Variants in ARHGAP10 observed in about 807,000 individuals in gnomAD.
The protein encoded by ARHGAP10 is rho GTPase-activating protein 10.
A neutral mutation model predicts 108.6 loss-of-function variants in ARHGAP10; 87 were observed. That is an observed-to-expected ratio of 0.80 (90% CI 0.67 to 0.96). The LOEUF (loss-of-function observed/expected upper bound fraction) is 0.96, where lower values mean the gene tolerates loss of function less well. Ranked by LOEUF, ARHGAP10 falls within the 40% of genes least tolerant of loss-of-function variation. The pLI, the probability that ARHGAP10 is intolerant of heterozygous loss-of-function variation, is 0.00. For synonymous variants in ARHGAP10, 347 were observed against 341.1 expected, an observed-to-expected ratio of 1.02 and a Z score of -0.19; for missense variants, 939 against 954.5, an observed-to-expected ratio of 0.98 and a Z score of 0.21.
At chr4:147,755,582 T>C (rs539267030) in intron 1 of ARHGAP10, among the ~76,000 whole-genome samples, 1 of 152,336 alleles carries the variant, frequency 6.6e-6, no homozygotes, top group Admixed American at 6.5e-5. Context: ...AAGAGAGGGC[T>C]GTTTTGGAAA....
At chr4:148,033,273 C>T (rs1728233012) in intron 19 of ARHGAP10, among the ~76,000 whole-genome samples, 1 of 152,136 alleles carries the variant, frequency 6.6e-6, no homozygotes, top group African/African-American at 2.4e-5. Flanking sequence ...TTCTACAGCC[C>T]AGCCAAACAC....
Position 147,883,616 on chromosome 4 carries a change from G to A in ARHGAP10, c.1034+1684G>A, listed in dbSNP as rs558934115. Among the ~76,000 whole-genome samples, 249 of 152,264 alleles carry A rather than the reference G, an allele frequency of 1.6e-3. 2 individuals are homozygous for A. Among genetic ancestry groups the A allele is most frequent in the Middle Eastern group, 3.4e-3 (1 of 294 alleles). On this transcript the variant is annotated intron_variant, in intron 10 of 22. Coordinates refer to ENST00000336498, the MANE Select transcript of ARHGAP10 (RefSeq NM_024605.4). ...ATTTGAGCAATTTCCCCAAGGTCAC[G>A]TAGCTAGTGGGTAGTTGAAGAGCTG...
At chr4:148,040,685 C>T (rs1728594213) in intron 19 of ARHGAP10, among the ~76,000 whole-genome samples, 2 of 152,090 alleles carry the variant, frequency 1.3e-5, no homozygotes. Context: ...CTGTTGGTTT[C>T]AGTTGGTCTT....
intron 22 of ARHGAP10, 81 bp from the exon 23 acceptor site, chr4:148,071,912 C>A: frequency 1.6e-6 from 2 of 1,251,610 alleles, no homozygotes; most frequent in Non-Finnish European, 2.3e-6. Context: ...TGGCCACTCC[C>A]TGCTTGAGCT....
chr4:147,773,071 C>A (rs1730139812), intron 1 of ARHGAP10, among the ~76,000 whole-genome samples: 1 of 152,044 alleles, frequency 6.6e-6, no homozygotes, highest in Admixed American at 6.5e-5. Context: ...ATGTCTTCTG[C>A]ATTTTGCTTT....
chr4:147,901,614 A>C (rs569250214), intron 10 of ARHGAP10, among the ~76,000 whole-genome samples: 2 of 152,324 alleles, frequency 1.3e-5, no homozygotes, highest in East Asian at 3.9e-4. Context: ...AAGACATATA[A>C]TACTACTTTA....
At chr4:147,782,353 C>T (rs1730569108) in intron 1 of ARHGAP10, among the ~76,000 whole-genome samples, 1 of 152,082 alleles carries the variant, frequency 6.6e-6, no homozygotes, top group Non-Finnish European at 1.5e-5. Context: ...GTGGCATTTT[C>T]CACATGGCAT....
At chr4:147,797,248 C>T (rs1731352748) in intron 1 of ARHGAP10, among the ~76,000 whole-genome samples, 1 of 151,772 alleles carries the variant, frequency 6.6e-6, no homozygotes, top group Admixed American at 6.6e-5. Flanking sequence ...TAAAATTCTT[C>T]CATGACTCCT....
intron 3 of ARHGAP10, among the ~76,000 whole-genome samples, chr4:147,824,018 T>TA (rs201871737): frequency 0.013 from 1,987 of 151,398 alleles, 18 homozygotes; most frequent in African/African-American, 0.029. Context: ...ATTTCAGGCT[T>TA]AAAAAAAAAC....
intron 13 of ARHGAP10, among the ~76,000 whole-genome samples, chr4:147,918,133 A>ATTTTTTTTT (rs760617123): frequency 2.3e-4 from 30 of 129,974 alleles, no homozygotes; most frequent in African/African-American, 5.1e-4. Context: ...TCTCATTAAG[A>ATTTTTTTTT]TTTTTTTTTT....
chr4:147,999,471 C>A (rs1740608600), intron 18 of ARHGAP10, among the ~76,000 whole-genome samples: 1 of 152,238 alleles, frequency 6.6e-6, no homozygotes, highest in Non-Finnish European at 1.5e-5. Flanking sequence ...GCAGCCCCAC[C>A]ACTGACTTCC....
intron 10 of ARHGAP10, among the ~76,000 whole-genome samples, chr4:147,899,876 G>GT (rs5862818): frequency 0.01 from 1,425 of 140,026 alleles, 19 homozygotes; most frequent in African/African-American, 0.032. Flanking sequence ...TACGTGCTGG[G>GT]TTTTTTTTTT....
rs564350080 is a variant in ARHGAP10 at position 147,978,170 on chromosome 4, T to G, written c.1716+11331T>G. Among the ~76,000 whole-genome samples the G allele has an allele frequency of 3.9e-5, 6 of 152,094 alleles. No individual in the cohort carries two copies. In the South Asian group the frequency reaches 1.3e-3, roughly 32 times the overall value. On this transcript the variant is annotated intron_variant, in intron 18 of 22. Coordinates refer to ENST00000336498, the MANE Select transcript of ARHGAP10 (RefSeq NM_024605.4). The stretch of plus-strand genomic sequence containing the variant: ...TTGGGTGGAATGATTTATTCATTTA[T>G]TTTTTTTGGATATATACCCAGTAAG...
At chr4:147,990,119 G>T (rs58201461) in intron 18 of ARHGAP10, among the ~76,000 whole-genome samples, 21,276 of 152,178 alleles carry the variant, frequency 0.14, 2,439 homozygotes, top group African/African-American at 0.32. Flanking sequence ...GAGGGCAGAT[G>T]AAGAAGGCAC....
At chr4:147,907,973 G>A (rs1736571317) in intron 11 of ARHGAP10, among the ~76,000 whole-genome samples, 1 of 152,092 alleles carries the variant, frequency 6.6e-6, no homozygotes, top group African/African-American at 2.4e-5. Flanking sequence ...CTCCCAAGTA[G>A]CTGGGATTAC....
chr4:148,006,676 A>G (rs1206659645), intron 18 of ARHGAP10, among the ~76,000 whole-genome samples: 1 of 152,236 alleles, frequency 6.6e-6, no homozygotes, highest in Non-Finnish European at 1.5e-5. Context: ...AAGGGGAAAA[A>G]AGGGAACATT....
At chr4:147,787,547 G>A (rs1730935463) in intron 1 of ARHGAP10, among the ~76,000 whole-genome samples, 1 of 152,106 alleles carries the variant, frequency 6.6e-6, no homozygotes, top group Non-Finnish European at 1.5e-5. Context: ...CAGGAGAGGT[G>A]GTTGGAATTG....
chr4:147,957,905 T>A (rs1738849527), intron 16 of ARHGAP10, among the ~76,000 whole-genome samples: 1 of 152,234 alleles, frequency 6.6e-6, no homozygotes, highest in Non-Finnish European at 1.5e-5. Context: ...AAAGGTTGAC[T>A]GCATTGGAAA....
intron 13 of ARHGAP10, among the ~76,000 whole-genome samples, chr4:147,922,416 G>A (rs1362046552): frequency 1.3e-5 from 2 of 151,530 alleles, no homozygotes; most frequent in African/African-American, 2.4e-5. Flanking sequence ...TTGGCCGGGC[G>A]CGGTGGCTCA....
Sources: gnomAD v4.1 joint callset for allele counts (sites outside exome capture counted in the v4.1 genomes callset) on GRCh38, gnomAD v4.1.1 for gene constraint, MANE v1.5 for transcripts, NCBI Gene and HGNC (gene_info 2026-07-23, HGNC 2026-07-21) for gene names.